Variants in MRPS6 observed in about 807,000 individuals in gnomAD.
MRPS6 encodes the protein small ribosomal subunit protein bS6m.
In MRPS6, 6 loss-of-function variants were observed where a neutral mutation model predicts 13.1. That is an observed-to-expected ratio of 0.46 (90% CI 0.25 to 0.91). The LOEUF is 0.91. Ranked by LOEUF, MRPS6 falls within the 40% of genes least tolerant of loss-of-function variation. The probability of loss-of-function intolerance (pLI) is 0.18; values close to 1 mark genes in which losing one functional copy is unlikely to be tolerated. For synonymous variants in MRPS6, 61 were observed against 56.5 expected, an observed-to-expected ratio of 1.08 and a Z score of -0.36; for missense variants, 164 against 155.6, an observed-to-expected ratio of 1.05 and a Z score of -0.29.
At chr21:34,124,152 C>T (rs1185647301) in intron 1 of MRPS6, 3 of 152,306 alleles carry the variant, frequency 2.0e-5, no homozygotes, top group East Asian at 3.9e-4. Context: ...AGATTTACAT[C>T]TGGAGAGGTC....
chr21:34,134,536 T>C (rs1195909818), intron 2 of MRPS6, among the ~76,000 whole-genome samples: 2 of 152,192 alleles, frequency 1.3e-5, no homozygotes, highest in Non-Finnish European at 2.9e-5. Context: ...TGCATATATT[T>C]AAAGTGTATA....
chr21:34,081,555 A>T (rs1399730875), intron 1 of MRPS6, among the ~76,000 whole-genome samples: 11 of 152,202 alleles, frequency 7.2e-5, no homozygotes, highest in Non-Finnish European at 1.6e-4. Flanking sequence ...AAAGACTGGC[A>T]TTGGGAGACT....
At chr21:34,076,314 T>C (rs1989329744) in intron 1 of MRPS6, among the ~76,000 whole-genome samples, 1 of 152,182 alleles carries the variant, frequency 6.6e-6, no homozygotes, top group South Asian at 2.1e-4. Flanking sequence ...TCCTTTAAAT[T>C]GAGCTTGCAA....
Position 34,090,849 on chromosome 21 carries a change from C to T in MRPS6, c.45+17104C>T, listed in dbSNP as rs545454493. On this transcript the variant is annotated intron_variant, in intron 1 of 2. Transcript: ENST00000399312. The stretch of plus-strand genomic sequence containing the variant: ...AAGTGACGGAGCATGGAACCCAGCC[C>T]TTAAAAACTGTGCTGTTTTCTTCTG... Among the ~76,000 whole-genome samples the T allele has an allele frequency of 2.6e-5, 4 of 152,198 alleles. No homozygotes were observed. In the South Asian group the frequency reaches 6.2e-4, roughly 24 times the overall value.
intron 1 of MRPS6, chr21:34,104,546 A>T (rs762488434): frequency 1.0e-6 from 1 of 998,526 alleles, no homozygotes; most frequent in African/African-American, 1.7e-5. Flanking sequence ...TAATATATCT[A>T]GAAGGAAGAC....
intron 1 of MRPS6, chr21:34,125,097 C>A (rs111582965): frequency 6.0e-6 from 3 of 502,178 alleles, no homozygotes; most frequent in South Asian, 6.3e-5. Context: ...CTGCCCTGGT[C>A]CCTGAACTCT....
At chr21:34,079,281 C>T (rs1051499584) in intron 1 of MRPS6, among the ~76,000 whole-genome samples, 3 of 152,150 alleles carry the variant, frequency 2.0e-5, no homozygotes, top group African/African-American at 7.2e-5. Context: ...GAACATGACC[C>T]TGTTCTTTTG....
chr21:34,122,243 C>G (rs1013461385), intron 1 of MRPS6: 1 of 152,150 alleles, frequency 6.6e-6, no homozygotes, highest in African/African-American at 2.4e-5. Context: ...TGGCTGTGTT[C>G]CAGTTCAACT....
chr21:34,116,135 A>G (rs891156320), intron 1 of MRPS6, among the ~76,000 whole-genome samples: 9 of 148,806 alleles, frequency 6.0e-5, no homozygotes, highest in African/African-American at 2.2e-4. Flanking sequence ...TAGCTTCCTG[A>G]GTAGCTGGGT....
At chr21:34,134,720 A>T (rs575432240) in intron 2 of MRPS6, among the ~76,000 whole-genome samples, 88 of 152,046 alleles carry the variant, frequency 5.8e-4, no homozygotes, top group Non-Finnish European at 1.0e-3. Flanking sequence ...TTTCGACTTT[A>T]TGATGGTGCA....
At chr21:34,140,968 G>A (rs1269427755) in intron 2 of MRPS6, among the ~76,000 whole-genome samples, 1 of 152,190 alleles carries the variant, frequency 6.6e-6, no homozygotes, top group Non-Finnish European at 1.5e-5. Context: ...GGCTTTAAGA[G>A]TAAATGGTCA....
Position 34,142,449 on chromosome 21 carries a change from A to T in MRPS6, c.227A>T (p.Glu76Val), listed in dbSNP as rs61910679. 22,311 of 1,601,132 alleles carry T rather than the reference A, an allele frequency of 0.014. 192 individuals are homozygous for T. The highest frequency in any genetic ancestry group is 0.017 in the Non-Finnish European group (19,757 of 1,175,032). Residue 76 changes from glutamate to valine, a missense_variant, in exon 3 of 3, where the codon GAA becomes GTA. Physicochemically the swap from Glu to Val is moderately radical, Grantham distance 121. Transcript: ENST00000399312. ...TTTTATGCACCCACCGCAGCTGTTGAAAGCATGGTGGAGCACTTGTCTCGA... is the reference window on the plus strand; with the variant it reads ...TTTTATGCACCCACCGCAGCTGTTGTAAGCATGGTGGAGCACTTGTCTCGA... Reference protein sequence around the residue: ...VDFYAPTAAVESMVEHLSRDI... With the variant: ...VDFYAPTAAVVSMVEHLSRDI...
At position 34,125,366 on chromosome 21, in the gene MRPS6, G is replaced by T; in HGVS notation, c.71G>T (p.Arg24Leu). The T allele has an allele frequency of 6.2e-7, 1 of 1,613,576 alleles. No individual in the cohort carries two copies. The highest frequency in any genetic ancestry group is 8.5e-7 in the Non-Finnish European group (1 of 1,179,810). The change falls in exon 2 of 3, where the codon CGT becomes CTT. Residue 24 changes from arginine (R) to leucine (L), a missense_variant. By Grantham distance (102) the Arg-to-Leu change is moderately radical. Transcript: ENST00000399312. ...CCAGAGACTGCTGCTACTTTGAAAC[G>T]TACGATAGAGGCCCTGATGGACAGA... is the stretch of plus-strand genomic sequence containing the variant. ...QRPETAATLKRTIEALMDRGA... is the reference protein window; with the variant it reads ...QRPETAATLKLTIEALMDRGA...
At chr21:34,139,960 C>G (rs1257478657) in intron 2 of MRPS6, among the ~76,000 whole-genome samples, 1 of 152,046 alleles carries the variant, frequency 6.6e-6, no homozygotes, top group African/African-American at 2.4e-5. Flanking sequence ...TTCCCAGTGC[C>G]TTTAATTTAT....
intron 1 of MRPS6, chr21:34,098,650 CA>C: frequency 1.0e-6 from 1 of 1,000,186 alleles, no homozygotes; most frequent in Non-Finnish European, 1.2e-6. Flanking sequence ...TGAGAGGTGC[CA>C]AACAAGAACT....
In MRPS6 at chr21:34,081,054, G is replaced by T. The variant is rs529836932; in HGVS notation, c.45+7309G>T. Among the ~76,000 whole-genome samples the T allele has an allele frequency of 7.2e-5, 11 of 152,262 alleles. No homozygotes were observed. The East Asian group carries it at 2.1e-3, about 29-fold the overall frequency. On this transcript the variant is annotated intron_variant, in intron 1 of 2. Transcript: ENST00000399312. ...AAAACCAAGTTGGATTCTTTGGGAA[G>T]ACTTGATAAAAGGTGAGTCATTAAA...
At position 34,142,540 on chromosome 21, in the gene MRPS6, A is replaced by AGG. The variant is rs1164768756; in HGVS notation, c.320_321dup (p.Ile108GlyfsTer51). On this transcript the variant is annotated frameshift_variant, in exon 3 of 3. Coordinates refer to ENST00000399312, the MANE Select transcript of MRPS6 (RefSeq NM_032476.4). LOFTEE classifies it high-confidence loss of function. ...TGACCCAGGAACTAAAAGAATGTGA[A>AGG]GGGATTGTCCCAGTCCCACTCGCAG... The AGG allele has an allele frequency of 1.9e-6, 3 of 1,613,474 alleles. No individual in the cohort carries two copies. The highest frequency in any genetic ancestry group is 2.5e-6 in the Non-Finnish European group (3 of 1,179,858).
chr21:34,112,824 C>T (rs576207429), intron 1 of MRPS6, among the ~76,000 whole-genome samples: 1 of 152,026 alleles, frequency 6.6e-6, no homozygotes, highest in African/African-American at 2.4e-5. Flanking sequence ...CTTTCTTTGC[C>T]TGTCTTATTT....
chr21:34,110,547 C>T (rs1383731815), intron 1 of MRPS6, among the ~76,000 whole-genome samples: 1 of 151,984 alleles, frequency 6.6e-6, no homozygotes, highest in African/African-American at 2.4e-5. Flanking sequence ...GAATACCACT[C>T]ATCAAAGCTA....
Sources: gnomAD v4.1 joint callset for allele counts (sites outside exome capture counted in the v4.1 genomes callset) on GRCh38, gnomAD v4.1.1 for gene constraint, MANE v1.5 for transcripts, NCBI Gene and HGNC (gene_info 2026-07-23, HGNC 2026-07-21) for gene names.